PLXNA1: variants seen among roughly 807,000 people sequenced by gnomAD.
PLXNA1 encodes the protein plexin A1.
PLXNA1 carries 77 observed loss-of-function variants against 191.7 expected under a neutral mutation model. The ratio of observed to expected loss-of-function variants is 0.40; its 90% CI spans 0.33 to 0.49. PLXNA1 has a LOEUF of 0.49. Ranked by LOEUF, PLXNA1 falls within the 20% of genes least tolerant of loss-of-function variation. PLXNA1 has a pLI of 0.63. For missense variants in PLXNA1, 2,110 were observed against 2,660.2 expected (o/e 0.79, Z 4.55); for synonymous variants, 1,137 against 1,156.4 (o/e 0.98, Z 0.34).
chr3:127,016,941 C>T lies in PLXNA1; in HGVS notation c.3183-3C>T. 3 of 1,612,290 alleles carry T rather than the reference C, an allele frequency of 1.9e-6. No individual in the cohort carries two copies. In the Admixed American group the frequency reaches 5.0e-5, roughly 27 times the overall value. ...TGACCCCCCCACCCCTGTCCTGTTC[C>T]AGCGGTGGGACCCTCCTGACGGTCA... is the stretch of plus-strand genomic sequence containing the variant. On this transcript the variant is annotated splice_polypyrimidine_tract_variant and splice_region_variant and intron_variant, in intron 16 of 31. Transcript: ENST00000393409.
At chr3:127,028,690 A>G (rs1263614390) in intron 25 of PLXNA1, 3 of 532,502 alleles carry the variant, frequency 5.6e-6, no homozygotes, top group African/African-American at 1.9e-5. Context: ...CCTGCTGCAG[A>G]TGTGACTGGA....
chr3:126,998,325 G>A (rs1444650145), intron 3 of PLXNA1, among the ~76,000 whole-genome samples: 2 of 152,164 alleles, frequency 1.3e-5, no homozygotes, highest in South Asian at 2.1e-4. Flanking sequence ...GGTCAGAGCT[G>A]GAGGTGGCAT....
chr3:127,028,011 C>T lies in PLXNA1; in HGVS notation c.4434C>T (p.Asp1478=), dbSNP rs375184816. The part of the protein sequence containing the change: ...IKQQMEKGPI[D]AITGEARYSL... ...AGCAGATGGAGAAGGGCCCCATTGA[C>T]GCCATCACGGGTGAGGCACGCTACT... The change falls in exon 24 of 32, where the codon GAC becomes GAT. Residue 1478 remains aspartate, a synonymous_variant. Transcript: ENST00000393409. 1.2e-5 allele frequency: 20 copies of T among 1,613,934 alleles called. No individual in the cohort carries two copies. The highest frequency in any genetic ancestry group is 2.2e-5 in the South Asian group (2 of 91,092).
In PLXNA1 at chr3:127,029,894, A is replaced by G. The variant is rs1576692369; in HGVS notation, c.4891A>G (p.Ser1631Gly). 6.2e-7 allele frequency: 1 copy of G among 1,610,716 alleles called. No individual in the cohort carries two copies. The highest frequency in any genetic ancestry group is 2.2e-5 in the East Asian group (1 of 44,784). ...SRYESMLRTA[S>G]SPDSLRSRTP... ...TGCAGAGAGCATGCTGCGCACGGCC[A>G]GCAGCCCCGACAGCCTGCGCTCGCG... The change falls in exon 28 of 32, where the codon AGC (serine) becomes GGC (glycine). Residue 1631 changes from serine to glycine, a missense_variant. Physicochemically the swap from Ser to Gly is moderately conservative, Grantham distance 56 (BLOSUM62 0). Around this residue, in one of 4 missense-constraint regions of PLXNA1, gnomAD observed 559 missense variants for 911.5 expected, o/e 0.61. Transcript: ENST00000393409.
At chr3:127,028,449 G>A in intron 25 of PLXNA1, 109 bp downstream of exon 25, 1 of 1,296,162 alleles carries the variant, frequency 7.7e-7, no homozygotes, top group Non-Finnish European at 1.0e-6. Context: ...CTCCACACCA[G>A]GCTGGTCTGG....
intron 21 of PLXNA1, among the ~76,000 whole-genome samples, 197 bp from the exon 22 acceptor site, chr3:127,021,888 C>T (rs899005717): frequency 3.3e-5 from 5 of 152,242 alleles, no homozygotes; most frequent in African/African-American, 1.2e-4. Flanking sequence ...CAGGTCGTGT[C>T]CATTTTGCTA....
intron 1 of PLXNA1, among the ~76,000 whole-genome samples, chr3:126,984,496 C>T (rs2078947714): frequency 6.6e-6 from 1 of 152,272 alleles, no homozygotes; most frequent in Non-Finnish European, 1.5e-5. Context: ...TTGGGGTGTG[C>T]GGCAGAGGCC....
At chr3:127,012,520 G>A (rs1015317012) in intron 10 of PLXNA1, among the ~76,000 whole-genome samples, 1 of 152,268 alleles carries the variant, frequency 6.6e-6, no homozygotes, top group Non-Finnish European at 1.5e-5. Flanking sequence ...CTGAGTGTGT[G>A]CAGGAATAGC....
chr3:127,006,229 A>G (rs774945075), intron 8 of PLXNA1, 51 bp downstream of exon 8: 4 of 1,395,146 alleles, frequency 2.9e-6, no homozygotes, highest in East Asian at 4.6e-5. Context: ...TACTTGCCCC[A>G]CTCCCGTCCC....
intron 20 of PLXNA1, 38 bp from the exon 21 acceptor site, chr3:127,020,164 C>T: frequency 6.2e-7 from 1 of 1,607,044 alleles, no homozygotes; most frequent in South Asian, 1.1e-5. Flanking sequence ...AGCGGGGCCA[C>T]CAGGGCATGC....
Position 127,030,226 on chromosome 3 carries a change from C to G in PLXNA1, c.5062-17C>G. On this transcript the variant is annotated splice_polypyrimidine_tract_variant and intron_variant, in intron 28 of 31. Transcript: ENST00000393409. ...GGCAGCGCCCTGGGGCTCAGTGTCC[C>G]TGCCTGCCCCCCGCAGGGCACACTG... 1.2e-6 allele frequency: 2 copies of G among 1,611,054 alleles called. No homozygotes were observed. The highest frequency in any genetic ancestry group is 1.3e-5 in the African/African-American group (1 of 75,058).
At chr3:126,983,620 C>T (rs866409732) in intron 1 of PLXNA1, among the ~76,000 whole-genome samples, 2 of 148,412 alleles carry the variant, frequency 1.3e-5, no homozygotes, top group African/African-American at 4.9e-5. Flanking sequence ...CCCCCGCCCC[C>T]CGGCCGGGCC....
chr3:127,006,007 CCT>C, intron 7 of PLXNA1, 70 bp from the exon 8 acceptor site: 1 of 1,157,084 alleles, frequency 8.6e-7, no homozygotes, highest in South Asian at 1.2e-5. Context: ...AAGTTGTTCC[CCT>C]GTCTGGACTT....
chr3:127,021,777 G>A (rs557560368), intron 21 of PLXNA1, among the ~76,000 whole-genome samples: 17 of 152,282 alleles, frequency 1.1e-4, no homozygotes, highest in Admixed American at 6.5e-4. Flanking sequence ...AGCCGCACTC[G>A]TAACACCTTT....
chr3:127,029,370 C>A, intron 26 of PLXNA1, 70 bp from the exon 27 acceptor site: 2 of 1,454,842 alleles, frequency 1.4e-6, no homozygotes, highest in East Asian at 2.3e-5. Flanking sequence ...GGTCCCCAGC[C>A]GGGGAGTGGG....
At chr3:127,021,874 C>T (rs1317881593) in intron 21 of PLXNA1, among the ~76,000 whole-genome samples, 2 of 152,256 alleles carry the variant, frequency 1.3e-5, no homozygotes, top group African/African-American at 4.8e-5. Context: ...GTGGTGGCAG[C>T]ACCCAGGTCG....
chr3:127,022,120 C>G lies in PLXNA1; in HGVS notation c.4074C>G (p.Phe1358Leu), dbSNP rs1260451040. ...QANVEKSLTL[F>L]GQLLTKKHFL... ...ATGTGGAGAAGTCGCTGACACTGTT[C>G]GGGCAGCTGCTGACCAAGAAGCACT... Residue 1358 changes from phenylalanine to leucine, a missense_variant, in exon 22 of 32, where the codon TTC becomes TTG. Around this residue, in one of 4 missense-constraint regions of PLXNA1, gnomAD observed 559 missense variants for 911.5 expected, o/e 0.61. Transcript: ENST00000393409. The G allele has an allele frequency of 6.2e-7, 1 of 1,613,104 alleles. No individual in the cohort carries two copies. Among genetic ancestry groups the G allele is most frequent in the Non-Finnish European group, 8.5e-7 (1 of 1,179,976 alleles).
chr3:127,034,062 G>GTCCCGGTCCCTGCTC lies in PLXNA1; in HGVS notation c.*45_*46insTCCCGGTCCCTGCTC. The GTCCCGGTCCCTGCTC allele has an allele frequency of 1.3e-6, 2 of 1,520,572 alleles. No homozygotes were observed. Among genetic ancestry groups the GTCCCGGTCCCTGCTC allele is most frequent in the Non-Finnish European group, 1.8e-6 (2 of 1,118,972 alleles). 94.2% of individuals were successfully genotyped at this position (1,520,572 alleles called of 1,614,324 possible). A position where few individuals can be genotyped will look rare whatever the true frequency, so the allele number is the denominator to read the frequency against. On this transcript the variant is annotated 3_prime_UTR_variant, in exon 32 of 32. Coordinates refer to ENST00000393409, the MANE Select transcript of PLXNA1 (RefSeq NM_032242.4). ...AGCATGATGCAGCGTGAGGACAGCT[G>GTCCCGGTCCCTGCTC]AGCAGGGACCGGGACAGCCCTCACC...
chr3:127,029,848 C>G, intron 27 of PLXNA1, 26 bp from the exon 28 acceptor site: 1 of 1,572,550 alleles, frequency 6.4e-7, no homozygotes. Flanking sequence ...CCAGCCAACG[C>G]GGGCGCTGAC....
Sources: gnomAD v4.1 joint callset for allele counts (sites outside exome capture counted in the v4.1 genomes callset) on GRCh38, gnomAD v4.1.1 for gene constraint, gnomAD v4.1.1 regional missense constraint, MANE v1.5 for transcripts, NCBI Gene and HGNC (gene_info 2026-07-23, HGNC 2026-07-21) for gene names.